UCK1: variants seen among roughly 807,000 people sequenced by gnomAD.
UCK1 encodes the protein cytidine monophosphokinase 1.
Under a neutral mutation model 34.0 loss-of-function variants are expected in UCK1, and 20 were observed. That is an observed-to-expected ratio of 0.59 (90% CI 0.41 to 0.86). The LOEUF (loss-of-function observed/expected upper bound fraction) is 0.86, where lower values mean the gene tolerates loss of function less well. Ranked by LOEUF, UCK1 falls within the 40% of genes least tolerant of loss-of-function variation. The pLI is 0.00. For missense variants in UCK1, 343 were observed against 383.6 expected, an observed-to-expected ratio of 0.89 and a Z score of 0.88; for synonymous variants, 168 against 155.9, an observed-to-expected ratio of 1.08 and a Z score of -0.58.
chr9:131,526,163 T>A, intron 5 of UCK1, 186 bp from the exon 6 acceptor site: 1 of 743,362 alleles, frequency 1.3e-6, no homozygotes, highest in Non-Finnish European at 2.2e-6. Flanking sequence ...ATCCAAGAAG[T>A]GAGGCAGAAA....
At chr9:131,528,048 C>T (rs1950674918) in intron 5 of UCK1, among the ~76,000 whole-genome samples, 1 of 152,134 alleles carries the variant, frequency 6.6e-6, no homozygotes, top group Non-Finnish European at 1.5e-5. Context: ...GTGGCGTACG[C>T]CTGTAATCCC....
chr9:131,530,390 G>T (rs1950786229), intron 2 of UCK1, 96 bp downstream of exon 2: 1 of 1,454,286 alleles, frequency 6.9e-7, no homozygotes. Context: ...AGCCCAAGCG[G>T]GTCTGCATCC....
rs1445082955 is a variant in UCK1, at chr9:131,526,910, C to T, written c.604-933G>A. Among the ~76,000 whole-genome samples, 8 of 152,258 alleles carry T rather than the reference C, an allele frequency of 5.3e-5. No homozygotes were observed. In the East Asian group the frequency reaches 5.8e-4, roughly 11 times the overall value. On this transcript the variant is annotated intron_variant, in intron 5 of 6. Transcript: ENST00000372215. The stretch of plus-strand genomic sequence containing the variant: ...CGGGAGAGCTGACAGGGGTCTTAAC[C>T]GCCAGCAGGGATGGGCCTGAATACA...
At chr9:131,530,965 C>T (rs906442733) in intron 1 of UCK1, 102 bp downstream of exon 1, 2 of 1,131,424 alleles carry the variant, frequency 1.8e-6, no homozygotes, top group Non-Finnish European at 2.3e-6. Context: ...CCTGCCCCTG[C>T]CTGGCAGGGG....
intron 2 of UCK1, among the ~76,000 whole-genome samples, chr9:131,530,284 T>C (rs1250276829): frequency 6.6e-6 from 1 of 152,162 alleles, no homozygotes; most frequent in Non-Finnish European, 1.5e-5. Flanking sequence ...ACCACGCTCC[T>C]GGGGGGACAC....
chr9:131,526,053 G>C, intron 5 of UCK1, 76 bp from the exon 6 acceptor site: 1 of 1,571,836 alleles, frequency 6.4e-7, no homozygotes, highest in East Asian at 2.2e-5. Flanking sequence ...AGAAACAGAT[G>C]CAACAGCAGG....
rs1349219543 is a variant in UCK1 at position 131,524,286 on chromosome 9, C to T, written c.*754G>A. 1.3e-5 allele frequency: 2 copies of T among 152,360 alleles called. No homozygotes were observed. Among genetic ancestry groups the T allele is most frequent in the Non-Finnish European group, 2.9e-5 (2 of 68,142 alleles). 9.4% of individuals were successfully genotyped at this position (152,360 alleles called of 1,614,324 possible). On this transcript the variant is annotated 3_prime_UTR_variant, in exon 7 of 7. Transcript: ENST00000372215. ...GGCAGGACTGCGTGGACGCTGTTCT[C>T]CAGCCGGGACAGACCTGGCCTCCGC... is the stretch of plus-strand genomic sequence containing the variant.
intron 6 of UCK1, 34 bp downstream of exon 6, chr9:131,525,895 G>T: frequency 1.2e-6 from 2 of 1,610,764 alleles, no homozygotes; most frequent in Non-Finnish European, 1.7e-6. Context: ...CTCTGGGAGG[G>T]GCGGGGGGAC....
chr9:131,526,565 G>C (rs1029621554), intron 5 of UCK1: 1 of 1,274,068 alleles, frequency 7.8e-7, no homozygotes, highest in Non-Finnish European at 1.0e-6. Flanking sequence ...GGGAGGGTCC[G>C]CAGCCAGATG....
At chr9:131,525,285 C>T (rs189623280) in intron 6 of UCK1, 64 bp from the exon 7 acceptor site, 247 of 1,603,696 alleles carry the variant, frequency 1.5e-4, no homozygotes, top group Non-Finnish European at 1.9e-4. Context: ...ACCGCCCCTC[C>T]CCGCAGCACT....
chr9:131,526,272 C>T, intron 5 of UCK1: 1 of 699,328 alleles, frequency 1.4e-6, no homozygotes, highest in South Asian at 1.7e-5. Flanking sequence ...TTACAGGAGA[C>T]AGCTGGCTAC....
chr9:131,526,937 T>G (rs540232284), intron 5 of UCK1, among the ~76,000 whole-genome samples: 1 of 151,780 alleles, frequency 6.6e-6, no homozygotes, highest in African/African-American at 2.4e-5. Flanking sequence ...CTGAATACAG[T>G]TGGGAAATAC....
In UCK1 at chr9:131,529,155, CG is replaced by C; in HGVS notation, c.480del (p.Asp161ThrfsTer24). 3 of 1,613,922 alleles carry C rather than the reference CG, an allele frequency of 1.9e-6. No individual in the cohort carries two copies. Among genetic ancestry groups the C allele is most frequent in the Non-Finnish European group, 2.5e-6 (3 of 1,179,914 alleles). On this transcript the variant is annotated frameshift_variant, in exon 4 of 7. Coordinates refer to ENST00000372215, the MANE Select transcript of UCK1 (RefSeq NM_031432.5). LOFTEE classifies it high-confidence loss of function. Reference protein sequence around the residue: ...DMFHLRLFVDTDSDVRLSRRV... With the variant: ...DMFHLRLFVDXDSDVRLSRRV... ...CTTCGAGACAGCCTGACGTCGGAGT[CG>C]GTGTCCACGAAGAGGCGCAGGTGGA...
intron 2 of UCK1, 125 bp downstream of exon 2, chr9:131,530,361 C>T (rs1172274345): frequency 2.7e-6 from 3 of 1,129,012 alleles, no homozygotes; most frequent in African/African-American, 3.0e-5. Context: ...CTGCAGGCTG[C>T]GTGGCGAGTT....
chr9:131,525,210 G>A lies in UCK1; in HGVS notation c.664C>T (p.Leu222=). 4.3e-6 allele frequency: 7 copies of A among 1,613,918 alleles called. No homozygotes were observed. The highest frequency in any genetic ancestry group is 5.9e-6 in the Non-Finnish European group (7 of 1,180,026). Residue 222 remains leucine (L), a synonymous_variant, in exon 7 of 7, where the codon CTG becomes TTG. Coordinates refer to ENST00000372215, the MANE Select transcript of UCK1 (RefSeq NM_031432.5). Reference sequence around the variant, plus strand: ...ATGTCCTGGATGTGCTGCACGATCAGGTTGATGGCAACTGCGCCAAGAGAC... The same window carrying A: ...ATGTCCTGGATGTGCTGCACGATCAAGTTGATGGCAACTGCGCCAAGAGAC... The part of the protein sequence containing the change: ...RGVDNMVAIN[L]IVQHIQDILN...
intron 1 of UCK1, 49 bp from the exon 2 acceptor site, chr9:131,530,694 C>T: frequency 6.2e-7 from 1 of 1,614,132 alleles, no homozygotes; most frequent in African/African-American, 1.3e-5. Context: ...CGTCCTGTGA[C>T]AGGCACGGGG....
At chr9:131,530,902 C>G (rs1950817024) in intron 1 of UCK1, among the ~76,000 whole-genome samples, 165 bp downstream of exon 1, 1 of 152,040 alleles carries the variant, frequency 6.6e-6, no homozygotes, top group Admixed American at 6.5e-5. Flanking sequence ...AACCCCTCGC[C>G]CGCCCCAGCC....
chr9:131,525,806 C>T (rs932904049), intron 6 of UCK1, 123 bp downstream of exon 6: 21 of 1,038,174 alleles, frequency 2.0e-5, no homozygotes, highest in African/African-American at 3.2e-5. Context: ...AACCCTGTGC[C>T]GCAGATCAAC....
chr9:131,529,273 G>A lies in UCK1; in HGVS notation c.366-3C>T, dbSNP rs1200715391. On this transcript the variant is annotated splice_region_variant and splice_polypyrimidine_tract_variant and intron_variant, in intron 3 of 6. Coordinates refer to ENST00000372215, the MANE Select transcript of UCK1 (RefSeq NM_031432.5). Reference sequence around the variant, plus strand: ...AGACCACCGTGGTCTCTGGTAACCTGAGGGGCGCACGGGGAAAGGGGCTCT... The same window carrying A: ...AGACCACCGTGGTCTCTGGTAACCTAAGGGGCGCACGGGGAAAGGGGCTCT... 6.2e-7 allele frequency: 1 copy of A among 1,613,966 alleles called. No individual in the cohort carries two copies. Among genetic ancestry groups the A allele is most frequent in the African/African-American group, 1.3e-5 (1 of 74,920 alleles).
Sources: allele counts gnomAD v4.1 joint callset (sites outside exome capture counted in the v4.1 genomes callset), GRCh38; gene constraint gnomAD v4.1.1; transcripts MANE v1.5; gene names NCBI Gene and HGNC (gene_info 2026-07-23, HGNC 2026-07-21).